The following UBR4 variants were observed in gnomAD, a reference collection of about 807,000 sequenced individuals.
The protein encoded by UBR4 is ubiquitin protein ligase E3 component n-recognin 4.
A neutral mutation model predicts 575.6 loss-of-function variants in UBR4; 124 were observed. The observed-to-expected ratio is 0.22, with a 90% CI of 0.19 to 0.25. The LOEUF is 0.25. Ranked by LOEUF, UBR4 falls within the 10% of genes least tolerant of loss-of-function variation. The probability of loss-of-function intolerance (pLI) is 1.00; values close to 1 mark genes in which losing one functional copy is unlikely to be tolerated. For synonymous variants in UBR4, 2,455 were observed against 2,473.7 expected, an observed-to-expected ratio of 0.99 and a Z score of 0.22; for missense variants, 4,818 against 6,478.8, an observed-to-expected ratio of 0.74 and a Z score of 8.80.
intron 11 of UBR4, among the ~76,000 whole-genome samples, chr1:19,191,582 GTTCA>G (rs2092086984): frequency 6.6e-6 from 1 of 152,096 alleles, no homozygotes; most frequent in South Asian, 2.1e-4. Flanking sequence ...TAATAGATTT[GTTCA>G]TTGTTTCTCC....
intron 63 of UBR4, 103 bp from the exon 64 acceptor site, chr1:19,126,758 G>C (rs926035651): frequency 1.8e-5 from 22 of 1,215,142 alleles, no homozygotes; most frequent in Non-Finnish European, 2.6e-5. Flanking sequence ...AACAGTCTTA[G>C]CTTTTATGGC....
At chr1:19,136,175 C>G (rs1194420414) in intron 60 of UBR4, among the ~76,000 whole-genome samples, 1 of 152,076 alleles carries the variant, frequency 6.6e-6, no homozygotes, top group Non-Finnish European at 1.5e-5. Flanking sequence ...GAAAACCTCC[C>G]TAAAGGAAAA....
Position 19,100,646 on chromosome 1 carries a change from A to T in UBR4, c.13024-73T>A, listed in dbSNP as rs1247245862. On this transcript the variant is annotated intron_variant, in intron 88 of 105. Coordinates refer to ENST00000375254, the MANE Select transcript of UBR4 (RefSeq NM_020765.3). The surrounding 1 kb of genome is among the most constrained non-coding windows in gnomAD (Gnocchi z 4.2). Reference sequence around the variant, plus strand: ...GATTTATACCATGCTACCTTGTTCCATGGACACTCGAGGAAAACACACCAA... The same window carrying T: ...GATTTATACCATGCTACCTTGTTCCTTGGACACTCGAGGAAAACACACCAA... The T allele has an allele frequency of 6.8e-7, 1 of 1,466,634 alleles. No homozygotes were observed. The highest frequency in any genetic ancestry group is 1.4e-5 in the African/African-American group (1 of 71,790). The allele number at this position is 1,466,634 out of a possible 1,614,324, so 90.9% of individuals were successfully genotyped here.
In UBR4 at chr1:19,114,067, C is replaced by T. The variant is rs1461036016; in HGVS notation, c.11206G>A (p.Val3736Ile). 6.2e-7 allele frequency: 1 copy of T among 1,610,350 alleles called. No individual in the cohort carries two copies. The highest frequency in any genetic ancestry group is 1.7e-5 in the Admixed American group (1 of 59,980). The stretch of plus-strand genomic sequence containing the variant: ...TCCAAAAGTGTATTGATGTTGGATA[C>T]AGCCTAGACAGGAAAAGACAGGGAC... Reference protein sequence around the residue: ...IENEEDRKKAVSNINTLLDKA... With the variant: ...IENEEDRKKAISNINTLLDKA... Residue 3736 changes from valine (V) to isoleucine (I), a missense_variant, in exon 76 of 106, where the codon GTA becomes ATA. Physicochemically the swap from Val to Ile is conservative, Grantham distance 29. Transcript: ENST00000375254.
At position 19,165,253 on chromosome 1, in the gene UBR4, C is replaced by A. The variant is rs776117362; in HGVS notation, c.4308G>T (p.Gln1436His). ...RVLKFFTKLFQLTEKSPNPSL... is the reference protein window; with the variant it reads ...RVLKFFTKLFHLTEKSPNPSL... The stretch of plus-strand genomic sequence containing the variant: ...TTACTAAAAGCTGTCACTCACTCAG[C>A]TGGAAGAGTTTGGTGAAGAATTTCA... Residue 1436 changes from glutamine to histidine, a missense_variant, in exon 31 of 106, where the codon CAG (glutamine) becomes CAT (histidine). Physicochemically the swap from Gln to His is conservative, Grantham distance 24. Coordinates refer to ENST00000375254, the MANE Select transcript of UBR4 (RefSeq NM_020765.3). 2 of 1,613,684 alleles carry A rather than the reference C, an allele frequency of 1.2e-6. No homozygotes were observed. Among genetic ancestry groups the A allele is most frequent in the East Asian group, 4.5e-5 (2 of 44,874 alleles).
intron 58 of UBR4, among the ~76,000 whole-genome samples, chr1:19,140,391 CCTTTT>C (rs1271259134): frequency 6.6e-6 from 1 of 152,176 alleles, no homozygotes; most frequent in Non-Finnish European, 1.5e-5. Context: ...TTATAGCTCT[CCTTTT>C]ATTTGCAAAT....
intron 15 of UBR4, 59 bp from the exon 16 acceptor site, chr1:19,184,234 A>G: frequency 6.5e-7 from 1 of 1,541,224 alleles, no homozygotes; most frequent in Non-Finnish European, 8.8e-7. Flanking sequence ...CGTTCCTATA[A>G]ACTCTGATTA....
rs1446387645 is a variant in UBR4, at chr1:19,197,743, G to C, written c.820C>G (p.Gln274Glu). ...AAGGAATTAGCTAAAACTGCATCTTGGAACCGATTGATATAGCGTAGGAAA... is the reference window on the plus strand; with the variant it reads ...AAGGAATTAGCTAAAACTGCATCTTCGAACCGATTGATATAGCGTAGGAAA... ...PYFLRYINRF[Q>E]DAVLANSFFI... Residue 274 changes from glutamine (Q) to glutamate (E), a missense_variant, in exon 7 of 106, where the codon CAA becomes GAA. Physicochemically the swap from Gln to Glu is conservative, Grantham distance 29 (BLOSUM62 2). Around this residue, in one of 29 missense-constraint regions of UBR4, gnomAD observed 131 missense variants for 214.5 expected, o/e 0.61. Transcript: ENST00000375254. 6 of 1,614,192 alleles carry C rather than the reference G, an allele frequency of 3.7e-6. No individual in the cohort carries two copies. Among genetic ancestry groups the C allele is most frequent in the Admixed American group, 1.7e-5 (1 of 60,016 alleles).
At chr1:19,178,905 C>G in intron 18 of UBR4, 146 bp downstream of exon 18, 1 of 989,798 alleles carries the variant, frequency 1.0e-6, no homozygotes, top group Non-Finnish European at 1.5e-6. Context: ...AACAGCACAT[C>G]TCCAAGTCCA....
At chr1:19,122,809 C>G (rs766510805) in intron 66 of UBR4, 24 bp downstream of exon 66, 2 of 1,613,680 alleles carry the variant, frequency 1.2e-6, no homozygotes, top group South Asian at 2.2e-5. Context: ...CCCTCCCTGC[C>G]CTACCAGGTC....
At position 19,100,275 on chromosome 1, in the gene UBR4, C is replaced by CTT; in HGVS notation, c.13221+100_13221+101insAA. 2 of 1,342,406 alleles carry CTT rather than the reference C, an allele frequency of 1.5e-6. No homozygotes were observed. The highest frequency in any genetic ancestry group is 2.1e-6 in the Non-Finnish European group (2 of 952,172). 83.2% of individuals were successfully genotyped at this position (1,342,406 alleles called of 1,614,324 possible). ...GAGTGGAGAAACTGAAGGCCACCTGCCCCAAGTTAATCAGCTACTAGGAAG... is the reference window on the plus strand; with the variant it reads ...GAGTGGAGAAACTGAAGGCCACCTGCTTCCCAAGTTAATCAGCTACTAGGAAG... On this transcript the variant is annotated intron_variant, in intron 89 of 105. Coordinates refer to ENST00000375254, the MANE Select transcript of UBR4 (RefSeq NM_020765.3). This position sits in a 1 kb window ranked among gnomAD's most constrained non-coding sequence, Gnocchi z 4.2.
At chr1:19,104,030 C>T (rs1229860557) in intron 87 of UBR4, 54 bp downstream of exon 87, 14 of 1,578,918 alleles carry the variant, frequency 8.9e-6, no homozygotes, top group Admixed American at 7.0e-5. Context: ...GAATGCACCT[C>T]GGCAGCCCCA....
chr1:19,199,735 C>G lies in UBR4; in HGVS notation c.294G>C (p.Gln98His), dbSNP rs775608879. The G allele has an allele frequency of 1.2e-6, 2 of 1,614,182 alleles. No individual in the cohort carries two copies. The highest frequency in any genetic ancestry group is 1.7e-6 in the Non-Finnish European group (2 of 1,180,016). ...VCSLIPRNQL[Q>H]SVAAACKVLI... ...GAACTTTACAGGCTGCTGCCACTGA[C>G]TGAAGTTGGTTCCGGGGAACTGAGA... The change falls in exon 3 of 106, where the codon CAG becomes CAC. Residue 98 changes from glutamine to histidine, a missense_variant. Coordinates refer to ENST00000375254, the MANE Select transcript of UBR4 (RefSeq NM_020765.3).
chr1:19,113,244 G>A, intron 77 of UBR4: 1 of 263,046 alleles, frequency 3.8e-6, no homozygotes. Context: ...TCTGTCTATG[G>A]CCAGCCTCCC....
Position 19,179,152 on chromosome 1 carries a change from A to G in UBR4, c.2253T>C (p.Pro751=). The G allele has an allele frequency of 6.2e-7, 1 of 1,613,636 alleles. No individual in the cohort carries two copies. Reference sequence around the variant, plus strand: ...GGCGTGAAAGCACAGAGAGGCTTTGAGGGTGAATGTACAAGGGCCAAGGGC... The same window carrying G: ...GGCGTGAAAGCACAGAGAGGCTTTGGGGGTGAATGTACAAGGGCCAAGGGC... ...SEGPWPLYIH[P]QSLSVLSRLL... is the part of the protein sequence containing the mutation. The change falls in exon 18 of 106, where the codon CCT becomes CCC. Residue 751 remains proline, a synonymous_variant. Transcript: ENST00000375254.
At position 19,124,386 on chromosome 1, in the gene UBR4, A is replaced by T. The variant is rs922986170; in HGVS notation, c.9588+155T>A. 34 of 934,538 alleles carry T rather than the reference A, an allele frequency of 3.6e-5. No individual in the cohort carries two copies. The African/African-American group carries it at 5.5e-4, about 15-fold the overall frequency. 57.9% of individuals were successfully genotyped at this position (934,538 alleles called of 1,614,324 possible). On this transcript the variant is annotated intron_variant, in intron 65 of 105. Transcript: ENST00000375254. The stretch of plus-strand genomic sequence containing the variant: ...CACATCTCCCACAGTTCTACCACAC[A>T]GTATGTTCCAGAAGGGCAAGACCAA...
chr1:19,156,898 G>C lies in UBR4; in HGVS notation c.5788C>G (p.Leu1930Val). 6.2e-7 allele frequency: 1 copy of C among 1,614,136 alleles called. No homozygotes were observed. The highest frequency in any genetic ancestry group is 8.5e-7 in the Non-Finnish European group (1 of 1,179,998). Residue 1930 changes from leucine to valine, a missense_variant, in exon 41 of 106, where the codon CTG (leucine) becomes GTG (valine). Leu to Val is a conservative substitution (Grantham distance 32). This residue lies in a region of UBR4 where 461 missense variants were observed against 606.9 expected (regional missense o/e 0.76). Transcript: ENST00000375254. ...KITVLQLSAL[L>V]KQADSSKRKL... is the part of the protein sequence containing the mutation. ...CTTTTGCTGGAATCTGCTTGCTTCA[G>C]GAGTGCAGAGAGCTGCAGAACGGTG...
Position 19,107,353 on chromosome 1 carries a change from G to A in UBR4, c.12106-387C>T, listed in dbSNP as rs1570558586. ...ACCAGAAGCAGCCTGCAGAGAGAGA[G>A]CCACAGATGACACTCCAGTCCAGCG... On this transcript the variant is annotated intron_variant, in intron 81 of 105. Transcript: ENST00000375254. Among the ~76,000 whole-genome samples, 3 of 152,298 alleles carry A rather than the reference G, an allele frequency of 2.0e-5. No individual in the cohort carries two copies. In the South Asian group the frequency reaches 6.2e-4, roughly 32 times the overall value.
At chr1:19,163,936 G>T in intron 33 of UBR4, 109 bp from the exon 34 acceptor site, 2 of 1,210,750 alleles carry the variant, frequency 1.7e-6, no homozygotes, top group Non-Finnish European at 2.4e-6. Context: ...ACACTGTGAA[G>T]CAGAAGCATT....
Sources: allele counts gnomAD v4.1 joint callset (sites outside exome capture counted in the v4.1 genomes callset), GRCh38; gene constraint gnomAD v4.1.1; regional missense constraint gnomAD v4.1.1; non-coding constraint Gnocchi (gnomAD v3.1); transcripts MANE v1.5; gene names NCBI Gene and HGNC (gene_info 2026-07-23, HGNC 2026-07-21).